The following ALDH6A1 variants were observed in gnomAD, a reference collection of about 807,000 sequenced individuals.
ALDH6A1 encodes the protein methylmalonate-semialdehyde/malonate-semialdehyde dehydrogenase [acylating], mitochondrial.
ALDH6A1 carries 43 observed loss-of-function variants against 62.6 expected under a neutral mutation model. The observed-to-expected ratio is 0.69, with a 90% CI of 0.54 to 0.89. The LOEUF (loss-of-function observed/expected upper bound fraction) is 0.89, where lower values mean the gene tolerates loss of function less well. Ranked by LOEUF, ALDH6A1 falls within the 40% of genes least tolerant of loss-of-function variation. The pLI is 0.00. For synonymous variants in ALDH6A1, 194 were observed against 234.2 expected, an observed-to-expected ratio of 0.83 and a Z score of 1.57; for missense variants, 551 against 661.3, an observed-to-expected ratio of 0.83 and a Z score of 1.83.
At chr14:74,066,108 T>C (rs1411047709) in intron 9 of ALDH6A1, 1 of 154,356 alleles carries the variant, frequency 6.5e-6, no homozygotes, top group Non-Finnish European at 1.4e-5. Flanking sequence ...TTTGTCACTT[T>C]CAATAAATAT....
intron 7 of ALDH6A1, among the ~76,000 whole-genome samples, chr14:74,068,495 C>A (rs781764286): frequency 1.5e-4 from 23 of 152,256 alleles, no homozygotes; most frequent in Non-Finnish European, 3.1e-4. Flanking sequence ...AATCCCAGCA[C>A]TTTGGGAGGC....
At chr14:74,065,425 T>A in intron 9 of ALDH6A1, 65 bp from the exon 10 acceptor site, 1 of 1,477,182 alleles carries the variant, frequency 6.8e-7, no homozygotes. Context: ...TTATGCTTAT[T>A]TGGTACTTTC....
chr14:74,057,497 T>C lies in ALDH6A1; in HGVS notation c.*3145A>G. 1 of 1,395,516 alleles carries C rather than the reference T, an allele frequency of 7.2e-7. No homozygotes were observed. The highest frequency in any genetic ancestry group is 9.3e-7 in the Non-Finnish European group (1 of 1,073,236). 86.4% of individuals were successfully genotyped at this position (1,395,516 alleles called of 1,614,324 possible). ...TTTGTGTAGAAACCTATAGGTTGCC[T>C]TTTGAAGTAAACAGCCTAGCCAAAA... On this transcript the variant is annotated 3_prime_UTR_variant, in exon 12 of 12. Coordinates refer to ENST00000553458, the MANE Select transcript of ALDH6A1 (RefSeq NM_005589.4).
Position 74,065,264 on chromosome 14 carries a change from T to G in ALDH6A1, c.1321A>C (p.Asn441His). ...ATGGCAGTTCCATTTCCATATGGGT[T>G]GTTATTTACAATCTGGATGGCTTCA... ...LDEAIQIVNN[N>H]PYGNGTAIFT... is the part of the protein sequence containing the mutation. The change falls in exon 10 of 12, where the codon AAC becomes CAC. Residue 441 changes from asparagine to histidine, a missense_variant. Coordinates refer to ENST00000553458, the MANE Select transcript of ALDH6A1 (RefSeq NM_005589.4). 6.2e-7 allele frequency: 1 copy of G among 1,614,180 alleles called. No individual in the cohort carries two copies. Among genetic ancestry groups the G allele is most frequent in the South Asian group, 1.1e-5 (1 of 91,084 alleles).
intron 11 of ALDH6A1, among the ~76,000 whole-genome samples, chr14:74,062,423 G>A (rs1401552987): frequency 5.3e-5 from 8 of 152,054 alleles, no homozygotes; most frequent in East Asian, 1.9e-4. Flanking sequence ...CCAACATGGC[G>A]AAACCCCGTC....
In ALDH6A1 at chr14:74,065,219, T is replaced by C; in HGVS notation, c.1366A>G (p.Thr456Ala). ...ACCAAGTGGGCATATTTCCGAGCAG[T>C]GGCTCCATTGGTGGTGAAGATGGCA... ...GTAIFTTNGA[T>A]ARKYAHLVDV... is the part of the protein sequence containing the mutation. The change falls in exon 10 of 12, where the codon ACT becomes GCT. Residue 456 changes from threonine to alanine, a missense_variant. Thr to Ala is a moderately conservative substitution (Grantham distance 58, BLOSUM62 0). Coordinates refer to ENST00000553458, the MANE Select transcript of ALDH6A1 (RefSeq NM_005589.4). 4 of 1,614,168 alleles carry C rather than the reference T, an allele frequency of 2.5e-6. No homozygotes were observed. The highest frequency in any genetic ancestry group is 1.1e-5 in the South Asian group (1 of 91,082).
chr14:74,068,827 CA>C, intron 7 of ALDH6A1, 32 bp downstream of exon 7: 1 of 1,612,466 alleles, frequency 6.2e-7, no homozygotes, highest in Non-Finnish European at 8.5e-7. Context: ...ATATATAGAA[CA>C]AAGATTGGAG....
chr14:74,064,206 G>A (rs1430149642), intron 11 of ALDH6A1, among the ~76,000 whole-genome samples: 1 of 151,438 alleles, frequency 6.6e-6, no homozygotes, highest in Non-Finnish European at 1.5e-5. Flanking sequence ...GCTGAGGCAG[G>A]AGAAGTGCTT....
At chr14:74,074,809 A>G (rs1471399076) in intron 2 of ALDH6A1, 146 bp downstream of exon 2, 1 of 819,670 alleles carries the variant, frequency 1.2e-6, no homozygotes, top group African/African-American at 1.7e-5. Context: ...ATGGTAATCC[A>G]TTTCAGGAGG....
intron 7 of ALDH6A1, among the ~76,000 whole-genome samples, chr14:74,068,600 G>A (rs745402290): frequency 6.6e-6 from 1 of 151,852 alleles, no homozygotes; most frequent in Non-Finnish European, 1.5e-5. Flanking sequence ...AAAATTAGCC[G>A]GGCGCTGTGG....
At chr14:74,067,334 T>A in intron 8 of ALDH6A1, 46 bp downstream of exon 8, 3 of 1,608,706 alleles carry the variant, frequency 1.9e-6, no homozygotes, top group Non-Finnish European at 2.5e-6. Flanking sequence ...AAGAGCTTAA[T>A]GCCACAGATG....
Position 74,060,470 on chromosome 14 carries a change from A to T in ALDH6A1, c.*172T>A. 1.5e-6 allele frequency: 1 copy of T among 647,326 alleles called. No homozygotes were observed. The allele number at this position is 647,326 out of a possible 1,614,324, so 40.1% of individuals were successfully genotyped here. On this transcript the variant is annotated 3_prime_UTR_variant, in exon 12 of 12. Coordinates refer to ENST00000553458, the MANE Select transcript of ALDH6A1 (RefSeq NM_005589.4). The stretch of plus-strand genomic sequence containing the variant: ...AAGTGAGAAATCTGGTTTCATTGTT[A>T]CACTAGGCAGTTCCCTATAGAAACT...
At position 74,066,816 on chromosome 14, in the gene ALDH6A1, A is replaced by G. The variant is rs1234898429; in HGVS notation, c.1113T>C (p.Ile371=). ...AAGCTCCCTCCTTTGTTCCACTATC[A>G]ATCAGATTACAGACTCGCTCTTTGG... is the stretch of plus-strand genomic sequence containing the variant. ...PQAKERVCNL[I]DSGTKEGASI... The change falls in exon 9 of 12, where the codon ATT becomes ATC. Residue 371 remains isoleucine, a synonymous_variant. Transcript: ENST00000553458. The G allele has an allele frequency of 4.3e-6, 7 of 1,613,882 alleles. No homozygotes were observed. Among genetic ancestry groups the G allele is most frequent in the Non-Finnish European group, 5.1e-6 (6 of 1,179,980 alleles).
At chr14:74,074,907 A>G in intron 2 of ALDH6A1, 48 bp downstream of exon 2, 1 of 1,575,252 alleles carries the variant, frequency 6.3e-7, no homozygotes, top group Admixed American at 1.7e-5. Context: ...ACCCAAAACT[A>G]TACTGAATTC....
Position 74,057,323 on chromosome 14 carries a change from C to A in ALDH6A1, c.*3319G>T. The A allele has an allele frequency of 1.2e-6, 2 of 1,606,396 alleles. No homozygotes were observed. The highest frequency in any genetic ancestry group is 1.7e-6 in the Non-Finnish European group (2 of 1,176,028). On this transcript the variant is annotated 3_prime_UTR_variant, in exon 12 of 12. Coordinates refer to ENST00000553458, the MANE Select transcript of ALDH6A1 (RefSeq NM_005589.4). ...TCACCCTTCCCCATGTCGCTTCTTG[C>A]TAAATCACGGTTATTTTCTCTACTA...
Position 74,074,953 on chromosome 14 carries a change from A to G in ALDH6A1, c.111+2T>C, listed in dbSNP as rs760163387. 26 of 1,613,692 alleles carry G rather than the reference A, an allele frequency of 1.6e-5. No individual in the cohort carries two copies. Among genetic ancestry groups the G allele is most frequent in the African/African-American group, 2.7e-5 (2 of 74,920 alleles). On this transcript the variant is annotated splice_donor_variant, in intron 2 of 11. Transcript: ENST00000553458. LOFTEE classifies it high-confidence loss of function. Reference sequence around the variant, plus strand: ...GTCAACCTCTATGCCAAATAAACTCACCACTGAAGAAGAGAAGGAAGATGC... The same window carrying G: ...GTCAACCTCTATGCCAAATAAACTCGCCACTGAAGAAGAGAAGGAAGATGC...
At chr14:74,082,076 C>T (rs1022944038) in intron 1 of ALDH6A1, among the ~76,000 whole-genome samples, 2 of 151,984 alleles carry the variant, frequency 1.3e-5, no homozygotes, top group Admixed American at 6.6e-5. Context: ...CATGGGGGCA[C>T]GATCTGTTGT....
At chr14:74,082,217 A>G (rs1595136502) in intron 1 of ALDH6A1, among the ~76,000 whole-genome samples, 1 of 152,242 alleles carries the variant, frequency 6.6e-6, no homozygotes, top group South Asian at 2.1e-4. Context: ...ACATTCCTTT[A>G]TCTCTGCATG....
intron 1 of ALDH6A1, among the ~76,000 whole-genome samples, chr14:74,079,334 C>T (rs1481154794): frequency 1.3e-5 from 2 of 151,922 alleles, no homozygotes; most frequent in African/African-American, 4.8e-5. Context: ...GCAACCTCCA[C>T]CTCCCGGGTT....
Sources: gnomAD v4.1 joint callset for allele counts (sites outside exome capture counted in the v4.1 genomes callset) on GRCh38, gnomAD v4.1.1 for gene constraint, MANE v1.5 for transcripts, NCBI Gene and HGNC (gene_info 2026-07-23, HGNC 2026-07-21) for gene names.